ATXN1: variants seen among roughly 807,000 people sequenced by gnomAD.
ATXN1 encodes the protein ataxin 1, also known as ataxin-1.
A neutral mutation model predicts 56.4 loss-of-function variants in ATXN1; 8 were observed. The ratio of observed to expected loss-of-function variants is 0.14; its 90% CI spans 0.08 to 0.26. ATXN1 has a LOEUF of 0.26. ATXN1 is among the 10% of genes least tolerant of loss of function. ATXN1 has a pLI of 1.00. For missense variants in ATXN1, 987 were observed against 1,106.5 expected (o/e 0.89, Z 1.53); for synonymous variants, 514 against 494.6 (o/e 1.04, Z -0.52).
At chr6:16,485,175 T>G (rs938222009) in intron 6 of ATXN1, 1 of 152,284 alleles carries the variant, frequency 6.6e-6, no homozygotes, top group African/African-American at 2.4e-5. Flanking sequence ...CATGTAGCTA[T>G]TTTCTTTCCT....
chr6:16,668,773 ATTATTTTATTTTATTTTTTATT>A (rs1235529721), intron 2 of ATXN1, among the ~76,000 whole-genome samples: 5 of 151,742 alleles, frequency 3.3e-5, no homozygotes, highest in Non-Finnish European at 5.9e-5. Flanking sequence ...TGGAGCTTTT[ATTATTTTATTTTATTTTTTATT>A]TTATTTTATT....
At chr6:16,755,141 T>C (rs1760848919) in intron 1 of ATXN1, among the ~76,000 whole-genome samples, 1 of 152,232 alleles carries the variant, frequency 6.6e-6, no homozygotes. Flanking sequence ...CCTCCTAGTT[T>C]GCTGAAGTGC....
At chr6:16,480,953 G>C (rs775292015) in intron 6 of ATXN1, among the ~76,000 whole-genome samples, 1 of 152,120 alleles carries the variant, frequency 6.6e-6, no homozygotes, top group East Asian at 1.9e-4. Flanking sequence ...AGTGACTCCT[G>C]CAAAGACCCT....
rs895111697 is a variant in ATXN1, at chr6:16,579,273, C to T, written c.-361+6507G>A. On this transcript the variant is annotated intron_variant, in intron 4 of 7. Transcript: ENST00000436367. Reference sequence around the variant, plus strand: ...GATGGAAGACACACACCAAAAAACACTCTATGCAGCCACTAAAATGCACGG... The same window carrying T: ...GATGGAAGACACACACCAAAAAACATTCTATGCAGCCACTAAAATGCACGG... Among the ~76,000 whole-genome samples, 5 of 152,182 alleles carry T rather than the reference C, an allele frequency of 3.3e-5. No homozygotes were observed. In the East Asian group the frequency reaches 9.6e-4, roughly 29 times the overall value.
At chr6:16,483,138 C>A (rs1760473072) in intron 6 of ATXN1, among the ~76,000 whole-genome samples, 1 of 152,156 alleles carries the variant, frequency 6.6e-6, no homozygotes, top group Non-Finnish European at 1.5e-5. Context: ...CCCCCCTCCC[C>A]CCAGCCCTTA....
intron 4 of ATXN1, among the ~76,000 whole-genome samples, chr6:16,572,410 T>G (rs1250210698): frequency 6.6e-6 from 1 of 152,164 alleles, no homozygotes; most frequent in African/African-American, 2.4e-5. Flanking sequence ...CAAATGTGTA[T>G]GTCTAAGTCT....
intron 6 of ATXN1, among the ~76,000 whole-genome samples, chr6:16,437,442 T>A (rs891966435): frequency 2.0e-5 from 3 of 152,234 alleles, no homozygotes; most frequent in African/African-American, 7.2e-5. Flanking sequence ...CTCAGCGCTC[T>A]TCCCCTGATG....
chr6:16,740,808 G>A (rs758598229), intron 2 of ATXN1, among the ~76,000 whole-genome samples: 3 of 152,106 alleles, frequency 2.0e-5, no homozygotes, highest in African/African-American at 7.2e-5. Context: ...ACTGGGATTC[G>A]AGGCATGAGC....
intron 5 of ATXN1, among the ~76,000 whole-genome samples, chr6:16,504,993 C>CTTTTTTTTTTTTTTTTTTTTTTTTTTT (rs34197922): frequency 7.4e-6 from 1 of 135,318 alleles, no homozygotes; most frequent in African/African-American, 2.9e-5. Context: ...CTCCTGTTTC[C>CTTTTTTTTTTTTTTTTTTTTTTTTTTT]TTTTTTTTTT....
chr6:16,759,977 G>GGC (rs1303640326), intron 1 of ATXN1, among the ~76,000 whole-genome samples: 28 of 151,940 alleles, frequency 1.8e-4, no homozygotes, highest in African/African-American at 6.8e-4. Flanking sequence ...CCCCCCGCCC[G>GGC]GCGCGCGCGC....
chr6:16,390,137 C>T (rs1029959468), intron 6 of ATXN1, among the ~76,000 whole-genome samples: 2 of 152,124 alleles, frequency 1.3e-5, no homozygotes, highest in African/African-American at 4.8e-5. Flanking sequence ...AGCAGCTGGT[C>T]CCAAACTACA....
At chr6:16,548,606 A>T (rs551700894) in intron 4 of ATXN1, among the ~76,000 whole-genome samples, 3 of 152,180 alleles carry the variant, frequency 2.0e-5, no homozygotes, top group African/African-American at 7.2e-5. Context: ...TTTCATTTTT[A>T]AAAAATTTTA....
intron 1 of ATXN1, among the ~76,000 whole-genome samples, chr6:16,759,143 A>G (rs1175704079): frequency 1.3e-5 from 2 of 152,250 alleles, no homozygotes; most frequent in Admixed American, 6.5e-5. Flanking sequence ...AAAATAACCA[A>G]GTAACTACCC....
At chr6:16,439,325 A>G (rs1202886878) in intron 6 of ATXN1, among the ~76,000 whole-genome samples, 3 of 101,018 alleles carry the variant, frequency 3.0e-5, no homozygotes, top group Non-Finnish European at 5.7e-5. Flanking sequence ...TCAGAGCTAG[A>G]GACTTCTTTT....
chr6:16,622,366 ATGG>A (rs958310739), intron 3 of ATXN1, among the ~76,000 whole-genome samples: 2 of 152,024 alleles, frequency 1.3e-5, no homozygotes, highest in Non-Finnish European at 2.9e-5. Context: ...GATGATGACC[ATGG>A]TGGTGGTGGT....
intron 4 of ATXN1, among the ~76,000 whole-genome samples, chr6:16,539,668 C>G (rs1761674237): frequency 6.6e-6 from 1 of 152,156 alleles, no homozygotes; most frequent in Non-Finnish European, 1.5e-5. Flanking sequence ...CAAGGACATT[C>G]TATAACCAGG....
chr6:16,561,836 A>G (rs1054581009), intron 4 of ATXN1, among the ~76,000 whole-genome samples: 1 of 152,154 alleles, frequency 6.6e-6, no homozygotes, highest in South Asian at 2.1e-4. Context: ...TGAGAGGAAC[A>G]TGTATATAAT....
intron 2 of ATXN1, among the ~76,000 whole-genome samples, chr6:16,665,536 AGGTCTT>A (rs1201634912): frequency 1.5e-5 from 1 of 68,032 alleles, no homozygotes; most frequent in Non-Finnish European, 2.7e-5. Context: ...CCTCCAGAAA[AGGTCTT>A]GGGTGGGGGT....
rs533037942 is a variant in ATXN1 at position 16,440,896 on chromosome 6, G to A, written c.-161+45076C>T. On this transcript the variant is annotated intron_variant, in intron 6 of 7. Transcript: ENST00000436367. ...CCTGAAGACAGGAATGGGTGTGGCCGAACCATTTATAGTGACAGAGCCAGG... is the reference window on the plus strand; with the variant it reads ...CCTGAAGACAGGAATGGGTGTGGCCAAACCATTTATAGTGACAGAGCCAGG... Among the ~76,000 whole-genome samples, 8 of 152,238 alleles carry A rather than the reference G, an allele frequency of 5.3e-5. No individual in the cohort carries two copies. The South Asian group carries it at 8.3e-4, about 16-fold the overall frequency.
Sources: allele counts gnomAD v4.1 joint callset (sites outside exome capture counted in the v4.1 genomes callset), GRCh38; gene constraint gnomAD v4.1.1; transcripts MANE v1.5; gene names NCBI Gene and HGNC (gene_info 2026-07-23, HGNC 2026-07-21).